FAM169A: variants seen among roughly 807,000 people sequenced by gnomAD.
FAM169A encodes the protein soluble lamin-associated protein of 75 kDa.
A neutral mutation model predicts 75.7 loss-of-function variants in FAM169A; 24 were observed. That is an observed-to-expected ratio of 0.32 (90% CI 0.23 to 0.45). FAM169A has a LOEUF of 0.45. Among genes scored for constraint, FAM169A ranks in the 20% least tolerant of loss-of-function variants. FAM169A has a pLI of 1.00. For synonymous variants in FAM169A, 271 were observed against 271.0 expected, an observed-to-expected ratio of 1.00 and a Z score of 0.00; for missense variants, 673 against 784.0, an observed-to-expected ratio of 0.86 and a Z score of 1.69.
chr5:74,835,099 G>GA (rs1317365693), intron 4 of FAM169A, among the ~76,000 whole-genome samples: 10 of 151,714 alleles, frequency 6.6e-5, no homozygotes, highest in African/African-American at 2.2e-4. Flanking sequence ...TCTTGGGAAA[G>GA]AAATGTGTCT....
intron 1 of FAM169A, among the ~76,000 whole-genome samples, chr5:74,846,968 C>T (rs1749188342): frequency 6.6e-6 from 1 of 152,116 alleles, no homozygotes; most frequent in South Asian, 2.1e-4. Context: ...ACTGATCTTT[C>T]CTCTATCCCA....
intron 1 of FAM169A, among the ~76,000 whole-genome samples, chr5:74,864,567 C>T (rs986986161): frequency 6.6e-6 from 1 of 152,200 alleles, no homozygotes; most frequent in African/African-American, 2.4e-5. Flanking sequence ...CTTGTAATGA[C>T]ATGAATACTA....
At chr5:74,788,826 G>A (rs989767297) in intron 11 of FAM169A, among the ~76,000 whole-genome samples, 21 of 152,266 alleles carry the variant, frequency 1.4e-4, no homozygotes, top group African/African-American at 3.9e-4. Flanking sequence ...ATCACATCAC[G>A]GTTCAACTCT....
At chr5:74,866,845 C>T (rs545849580), upstream of FAM169A, 78 of 985,584 alleles carry the variant, frequency 7.9e-5, no homozygotes, top group East Asian at 7.0e-3. Flanking sequence ...CCATCCCGGC[C>T]TCGGGACAGG....
intron 6 of FAM169A, among the ~76,000 whole-genome samples, chr5:74,809,947 C>T (rs1319682892): frequency 6.6e-6 from 1 of 152,142 alleles, no homozygotes; most frequent in Non-Finnish European, 1.5e-5. Context: ...CAAAGTTAAA[C>T]ACAATCATAA....
At chr5:74,824,412 AC>A (rs920637752) in intron 5 of FAM169A, among the ~76,000 whole-genome samples, 1 of 152,180 alleles carries the variant, frequency 6.6e-6, no homozygotes, top group African/African-American at 2.4e-5. Context: ...CACTGAATTA[AC>A]CAGTGATTTG....
chr5:74,866,359 C>G lies in FAM169A; in HGVS notation c.-198G>C. 1.0e-6 allele frequency: 1 copy of G among 984,468 alleles called. No individual in the cohort carries two copies. 61.0% of individuals were successfully genotyped at this position (984,468 alleles called of 1,614,324 possible). ...TCCTCGTCGCGGGTCGGCCGCGGCC[C>G]ACCGTGCCCTCCGACGACGTGACGC... On this transcript the variant is annotated 5_prime_UTR_variant, in exon 1 of 13. Transcript: ENST00000687041.
At chr5:74,840,210 T>C (rs777262107) in intron 2 of FAM169A, 37 bp from the exon 3 acceptor site, 4 of 939,094 alleles carry the variant, frequency 4.3e-6, no homozygotes, top group Non-Finnish European at 6.4e-6. Context: ...GTGAACAGTC[T>C]GTTAAGAAAA....
chr5:74,864,531 A>G (rs1561333210), intron 1 of FAM169A, among the ~76,000 whole-genome samples: 1 of 152,248 alleles, frequency 6.6e-6, no homozygotes, highest in African/African-American at 2.4e-5. Flanking sequence ...CCCGGCCTAT[A>G]TCCCATCTTT....
intron 5 of FAM169A, among the ~76,000 whole-genome samples, chr5:74,815,958 G>A (rs1044060760): frequency 4.6e-5 from 7 of 152,180 alleles, no homozygotes; most frequent in Admixed American, 2.0e-4. Flanking sequence ...GCAACCAGCA[G>A]TCCTTGAGGC....
Position 74,813,830 on chromosome 5 carries a change from G to T in FAM169A, c.670+10C>A. On this transcript the variant is annotated intron_variant, in intron 6 of 12. Transcript: ENST00000687041. ...GACAAGTTTATTATTTTTTAACTTA[G>T]TCCATTTACCTGTATACATGAGAGA... is the stretch of plus-strand genomic sequence containing the variant. The T allele has an allele frequency of 6.6e-7, 1 of 1,511,986 alleles. No individual in the cohort carries two copies. Among genetic ancestry groups the T allele is most frequent in the Non-Finnish European group, 8.8e-7 (1 of 1,133,652 alleles). 93.7% of individuals were successfully genotyped at this position (1,511,986 alleles called of 1,614,324 possible).
At chr5:74,836,215 T>C (rs1305019493) in intron 4 of FAM169A, among the ~76,000 whole-genome samples, 1 of 152,250 alleles carries the variant, frequency 6.6e-6, no homozygotes, top group Admixed American at 6.5e-5. Context: ...CAATACTTTT[T>C]CATACGTACT....
rs1237212796 is a variant in FAM169A, at chr5:74,798,902, C to T, written c.1103+1978G>A. The T allele has an allele frequency of 4.7e-6, 3 of 640,566 alleles. No individual in the cohort carries two copies. In the East Asian group the frequency reaches 9.6e-5, roughly 21 times the overall value. 39.7% of individuals were successfully genotyped at this position (640,566 alleles called of 1,614,324 possible). ...TTAAAACTGACTAGAGCCCTGTTCA[C>T]ATCGACTGCCCAGAGTCCGTAAATC... On this transcript the variant is annotated intron_variant, in intron 10 of 12. Transcript: ENST00000687041.
At chr5:74,805,485 C>T (rs944288029) in intron 6 of FAM169A, among the ~76,000 whole-genome samples, 1 of 147,194 alleles carries the variant, frequency 6.8e-6, no homozygotes, top group Non-Finnish European at 1.5e-5. Context: ...AAAGTTTTAA[C>T]ACGACTGAAC....
At chr5:74,799,105 A>G in intron 10 of FAM169A, 2 of 977,570 alleles carry the variant, frequency 2.0e-6, no homozygotes. Context: ...CTATAAGAAG[A>G]ATGGGCGCCA....
At chr5:74,786,807 A>C (rs1745719263) in intron 11 of FAM169A, among the ~76,000 whole-genome samples, 1 of 152,238 alleles carries the variant, frequency 6.6e-6, no homozygotes, top group South Asian at 2.1e-4. Context: ...CGAAAGGTGC[A>C]TGCACAGCCT....
intron 5 of FAM169A, among the ~76,000 whole-genome samples, chr5:74,815,776 T>A (rs570996750): frequency 1.6e-4 from 24 of 152,230 alleles, no homozygotes; most frequent in Middle Eastern, 6.8e-3. Flanking sequence ...AAAACCAAGA[T>A]GGCAATGAGA....
chr5:74,853,670 C>T (rs1355337443), intron 1 of FAM169A, among the ~76,000 whole-genome samples: 6 of 146,704 alleles, frequency 4.1e-5, no homozygotes, highest in Non-Finnish European at 7.5e-5. Context: ...TTCGGACTTT[C>T]TATATCTAAT....
At chr5:74,863,668 A>T (rs1281395220) in intron 1 of FAM169A, among the ~76,000 whole-genome samples, 1 of 152,210 alleles carries the variant, frequency 6.6e-6, no homozygotes, top group Non-Finnish European at 1.5e-5. Context: ...AATAGAGAAA[A>T]ATATTCGATT....
Sources: allele counts gnomAD v4.1 joint callset (sites outside exome capture counted in the v4.1 genomes callset), GRCh38; gene constraint gnomAD v4.1.1; transcripts MANE v1.5; gene names NCBI Gene and HGNC (gene_info 2026-07-23, HGNC 2026-07-21).